Variants in POU6F2 observed in about 807,000 individuals in gnomAD.
POU6F2 encodes POU class 6 homeobox 2, also known as POU domain, class 6, transcription factor 2.
In POU6F2, 31 loss-of-function variants were observed where a neutral mutation model predicts 71.3. The observed-to-expected ratio is 0.43, with a 90% CI of 0.33 to 0.59. POU6F2 has a LOEUF of 0.59. Ranked by LOEUF, POU6F2 falls within the 20% of genes least tolerant of loss-of-function variation. POU6F2 has a pLI of 0.04. For synonymous variants in POU6F2, 347 were observed against 355.7 expected (o/e 0.98, Z 0.27); for missense variants, 783 against 856.8 (o/e 0.91, Z 1.07).
intron 4 of POU6F2, among the ~76,000 whole-genome samples, chr7:39,215,505 T>C (rs1794221835): frequency 6.6e-6 from 1 of 152,212 alleles, no homozygotes; most frequent in Admixed American, 6.5e-5. Flanking sequence ...CCACACCAGT[T>C]TGATAAGAAA....
chr7:39,215,666 G>C (rs999258692), intron 4 of POU6F2, among the ~76,000 whole-genome samples: 2 of 152,170 alleles, frequency 1.3e-5, no homozygotes, highest in South Asian at 2.1e-4. Context: ...ATACGCTACT[G>C]GGGGAGTGAA....
At chr7:39,181,632 C>G (rs938778329) in intron 2 of POU6F2, among the ~76,000 whole-genome samples, 1 of 152,222 alleles carries the variant, frequency 6.6e-6, no homozygotes, top group Non-Finnish European at 1.5e-5. Context: ...ACCTCTTCAA[C>G]TATCCTGTTA....
intron 1 of POU6F2, among the ~76,000 whole-genome samples, chr7:39,032,011 A>C (rs1168451578): frequency 6.6e-6 from 1 of 152,208 alleles, no homozygotes; most frequent in Non-Finnish European, 1.5e-5. Flanking sequence ...CTTGTGAATC[A>C]GGAAGGATGC....
intron 1 of POU6F2, among the ~76,000 whole-genome samples, chr7:39,025,766 A>C (rs1353890803): frequency 2.0e-5 from 3 of 150,712 alleles, no homozygotes; most frequent in Non-Finnish European, 4.4e-5. Flanking sequence ...AATTAAACTA[A>C]AGAGCTTCTG....
chr7:39,225,314 G>T (rs569642276), intron 4 of POU6F2, among the ~76,000 whole-genome samples: 2 of 152,068 alleles, frequency 1.3e-5, no homozygotes, highest in Non-Finnish European at 2.9e-5. Flanking sequence ...GCTAAAGCTC[G>T]AAAAGAGGGC....
chr7:39,039,961 T>C (rs1790148717), intron 1 of POU6F2, among the ~76,000 whole-genome samples: 1 of 147,636 alleles, frequency 6.8e-6, no homozygotes, highest in Non-Finnish European at 1.5e-5. Flanking sequence ...AAGTGGGTTG[T>C]ACTGAATTCC....
At chr7:39,441,956 A>G (rs1190645176) in intron 7 of POU6F2, among the ~76,000 whole-genome samples, 1 of 152,226 alleles carries the variant, frequency 6.6e-6, no homozygotes, top group African/African-American at 2.4e-5. Context: ...AAATATAAAG[A>G]GAAGGGAAGA....
At chr7:39,018,292 T>C (rs530529596) in intron 1 of POU6F2, among the ~76,000 whole-genome samples, 8 of 152,244 alleles carry the variant, frequency 5.3e-5, no homozygotes, top group Non-Finnish European at 8.8e-5. Context: ...TCAGAAATGC[T>C]CTCTCCATGA....
intron 2 of POU6F2, among the ~76,000 whole-genome samples, chr7:39,109,593 C>T (rs1439773598): frequency 2.0e-5 from 3 of 151,906 alleles, no homozygotes; most frequent in Non-Finnish European, 4.4e-5. Context: ...GGTGTATGAG[C>T]TTATAATATT....
At chr7:39,210,202 C>A (rs762601220) in intron 4 of POU6F2, among the ~76,000 whole-genome samples, 5 of 152,304 alleles carry the variant, frequency 3.3e-5, no homozygotes, top group Non-Finnish European at 1.5e-5. Flanking sequence ...GGGCAGGTTT[C>A]ATACCTAGTC....
chr7:39,126,704 ACT>A (rs1361454382), intron 2 of POU6F2, among the ~76,000 whole-genome samples: 1 of 152,070 alleles, frequency 6.6e-6, no homozygotes, highest in Non-Finnish European at 1.5e-5. Context: ...GAAAGCTAAC[ACT>A]CTCTAATGCT....
intron 2 of POU6F2, among the ~76,000 whole-genome samples, chr7:39,200,184 T>G (rs7802746): frequency 6.6e-6 from 1 of 151,950 alleles, no homozygotes; most frequent in Non-Finnish European, 1.5e-5. Context: ...ATGGCAGTCT[T>G]AGCGCAAAGG....
intron 7 of POU6F2, among the ~76,000 whole-genome samples, chr7:39,443,416 A>C (rs1399746989): frequency 5.9e-5 from 9 of 152,194 alleles, no homozygotes; most frequent in Non-Finnish European, 1.3e-4. Flanking sequence ...CAAATACCCA[A>C]GTCATGGCAG....
At chr7:39,230,264 G>A (rs774274733) in intron 4 of POU6F2, among the ~76,000 whole-genome samples, 6 of 152,050 alleles carry the variant, frequency 3.9e-5, no homozygotes, top group African/African-American at 7.2e-5. Context: ...AGGATTCCTC[G>A]AGGCCAGAGT....
intron 1 of POU6F2, among the ~76,000 whole-genome samples, chr7:38,982,612 G>C (rs954780446): frequency 9.9e-5 from 15 of 152,138 alleles, no homozygotes; most frequent in African/African-American, 3.4e-4. Flanking sequence ...AAATGGTAAA[G>C]TCAATTTTGT....
At chr7:39,050,320 C>T (rs1441795906) in intron 1 of POU6F2, among the ~76,000 whole-genome samples, 1 of 152,062 alleles carries the variant, frequency 6.6e-6, no homozygotes, top group Non-Finnish European at 1.5e-5. Flanking sequence ...AAATCTCCCG[C>T]TGAGTTGATG....
intron 2 of POU6F2, among the ~76,000 whole-genome samples, chr7:39,108,478 C>T (rs1306125207): frequency 1.3e-5 from 2 of 152,110 alleles, no homozygotes; most frequent in African/African-American, 4.8e-5. Flanking sequence ...GTGTCTCTCC[C>T]TAGGGGTCTA....
At chr7:39,226,442 GA>G (rs1187524472) in intron 4 of POU6F2, among the ~76,000 whole-genome samples, 1 of 152,070 alleles carries the variant, frequency 6.6e-6, no homozygotes, top group African/African-American at 2.4e-5. Context: ...GAGGTTATTA[GA>G]AGAACATCAA....
At chr7:39,292,667 T>G (rs4330591) in intron 4 of POU6F2, among the ~76,000 whole-genome samples, 6 of 152,226 alleles carry the variant, frequency 3.9e-5, no homozygotes, top group South Asian at 2.1e-4. Context: ...GAGCTTGCCC[T>G]GTACATAAGC....
Sources: gnomAD v4.1 joint callset for allele counts (sites outside exome capture counted in the v4.1 genomes callset) on GRCh38, gnomAD v4.1.1 for gene constraint, MANE v1.5 for transcripts, NCBI Gene and HGNC (gene_info 2026-07-23, HGNC 2026-07-21) for gene names.